ERICH2: variants seen among roughly 807,000 people sequenced by gnomAD.
The protein encoded by ERICH2 is glutamate rich 2.
In ERICH2, 17 loss-of-function variants were observed where a neutral mutation model predicts 17.4. That is an observed-to-expected ratio of 0.98 (90% CI 0.67 to 1.47). The LOEUF (loss-of-function observed/expected upper bound fraction) is 1.47, where lower values mean the gene tolerates loss of function less well. Among genes scored for constraint, ERICH2 ranks in the 40% most tolerant of loss-of-function variants. The pLI is 0.00. For missense variants in ERICH2, 186 were observed against 183.2 expected (o/e 1.01, Z -0.09); for synonymous variants, 51 against 61.1 (o/e 0.83, Z 0.77).
chr2:170,773,659 C>G, the ERICH2 span, among the ~76,000 whole-genome samples: 1 of 152,184 alleles, frequency 6.6e-6, no homozygotes, highest in Non-Finnish European at 1.5e-5. Context: ...ATCTTTGTGT[C>G]CCCAGAGTTT....
intron 1 of ERICH2, chr2:170,783,954 A>C: frequency 6.5e-7 from 1 of 1,536,726 alleles, no homozygotes. Flanking sequence ...GTTTAGAGTC[A>C]GGAGTTTGTT....
At chr2:170,783,937 AT>A in intron 1 of ERICH2, 1 of 1,548,868 alleles carries the variant, frequency 6.5e-7, no homozygotes, top group Non-Finnish European at 8.7e-7. Flanking sequence ...TCAGGGTAGC[AT>A]TTTGGGTTTA....
upstream of ERICH2, among the ~76,000 whole-genome samples, chr2:170,781,261 A>G (rs1701020971): frequency 6.6e-6 from 1 of 152,204 alleles, no homozygotes; most frequent in Non-Finnish European, 1.5e-5. Flanking sequence ...ATCTTTTTAT[A>G]TATTTCCATG....
the ERICH2 span, among the ~76,000 whole-genome samples, chr2:170,776,382 A>T: frequency 2.6e-5 from 4 of 151,992 alleles, no homozygotes; most frequent in African/African-American, 9.7e-5. Flanking sequence ...TTGTTGTTGT[A>T]GTTGTTGTTT....
At chr2:170,786,667 A>G (rs953680) in intron 2 of ERICH2, among the ~76,000 whole-genome samples, 52,035 of 151,980 alleles carry the variant, frequency 0.34, 9,280 homozygotes, top group East Asian at 0.57. Context: ...GGTCACTGAT[A>G]TACCACTTAA....
chr2:170,793,007 T>C lies in ERICH2; in HGVS notation c.274+87T>C, dbSNP rs148679519. 2.5e-4 allele frequency: 191 copies of C among 750,730 alleles called. No individual in the cohort carries two copies. The African/African-American group carries it at 2.9e-3, about 12-fold the overall frequency. 46.5% of individuals were successfully genotyped at this position (750,730 alleles called of 1,614,324 possible). A position where few individuals can be genotyped will look rare whatever the true frequency, so the allele number is the denominator to read the frequency against. On this transcript the variant is annotated intron_variant, in intron 3 of 4. Transcript: ENST00000409885. ...AATATATAAAATGGCTTGATTATCATAGGTCTAGTGAATTCCCTGATAGTG... is the reference window on the plus strand; with the variant it reads ...AATATATAAAATGGCTTGATTATCACAGGTCTAGTGAATTCCCTGATAGTG...
chr2:170,794,616 A>G (rs557894268), intron 3 of ERICH2, among the ~76,000 whole-genome samples: 2 of 152,160 alleles, frequency 1.3e-5, no homozygotes, highest in Non-Finnish European at 2.9e-5. Context: ...TATTTTATGC[A>G]TCTTTTTCTT....
intron 3 of ERICH2, among the ~76,000 whole-genome samples, chr2:170,795,703 C>T (rs1462797451): frequency 6.6e-6 from 1 of 152,148 alleles, no homozygotes; most frequent in Non-Finnish European, 1.5e-5. Flanking sequence ...TTACGTTTCT[C>T]CATTCATCTC....
chr2:170,792,271 A>G (rs1701307722), intron 2 of ERICH2, among the ~76,000 whole-genome samples: 1 of 152,228 alleles, frequency 6.6e-6, no homozygotes, highest in African/African-American at 2.4e-5. Context: ...TGAAGATGTT[A>G]AAAATAAATG....
chr2:170,781,590 G>A (rs11901507), upstream of ERICH2, among the ~76,000 whole-genome samples: 601 of 150,548 alleles, frequency 4.0e-3, 5 homozygotes, highest in African/African-American at 0.013. Context: ...CCGAGATCGC[G>A]TCACAGCACT....
At chr2:170,795,696 C>T (rs888070078) in intron 3 of ERICH2, among the ~76,000 whole-genome samples, 1 of 152,132 alleles carries the variant, frequency 6.6e-6, no homozygotes, top group African/African-American at 2.4e-5. Context: ...AAGTACTTTA[C>T]GTTTCTCCAT....
At chr2:170,777,488 G>A in the ERICH2 span, 1 of 1,117,084 alleles carries the variant, frequency 9.0e-7, no homozygotes, top group Non-Finnish European at 1.1e-6. Context: ...ATAGTAAGAA[G>A]ACTATTGGAA....
chr2:170,796,225 ATACT>A (rs958815622), intron 3 of ERICH2, among the ~76,000 whole-genome samples: 108 of 152,204 alleles, frequency 7.1e-4, no homozygotes, highest in African/African-American at 2.4e-3. Context: ...GATACATAAA[ATACT>A]TACAGGATCC....
chr2:170,775,343 G>A, the ERICH2 span, among the ~76,000 whole-genome samples: 1 of 151,984 alleles, frequency 6.6e-6, no homozygotes. Context: ...GAGGTGGGAG[G>A]ATTGCTTGAG....
intron 4 of ERICH2, 66 bp from the exon 10 acceptor site, chr2:170,798,704 G>A: frequency 6.5e-7 from 1 of 1,535,202 alleles, no homozygotes; most frequent in Non-Finnish European, 8.8e-7. Flanking sequence ...GAGGGGCAAG[G>A]AGAATTATTT....
At chr2:170,775,870 A>T in the ERICH2 span, among the ~76,000 whole-genome samples, 7 of 14,600 alleles carry the variant, frequency 4.8e-4, no homozygotes, top group Non-Finnish European at 0.017. Context: ...TAAAAAAAAT[A>T]AAAACAATAC....
Position 170,797,810 on chromosome 2 carries a change from A to AG in ERICH2, c.275-231_275-230insG, listed in dbSNP as rs1559257948. On this transcript the variant is annotated intron_variant, in intron 3 of 4. Coordinates refer to ENST00000409885, the Ensembl canonical transcript of ERICH2. ...CTGTCTCAGGGAAAAAAAAAAAAAA[A>AG]AAAAGAAAGAAAGAAAATATAGTGA... 3.7e-3 allele frequency among the ~76,000 whole-genome samples: 552 copies of AG among 151,110 alleles called. 2 individuals are homozygous for AG. Among genetic ancestry groups the AG allele is most frequent in the African/African-American group, 0.012 (507 of 40,944 alleles).
chr2:170,776,347 G>A, the ERICH2 span, among the ~76,000 whole-genome samples: 34 of 152,082 alleles, frequency 2.2e-4, no homozygotes, highest in African/African-American at 8.0e-4. Context: ...TTCTTGTTCT[G>A]GTCACATGTA....
the ERICH2 span, among the ~76,000 whole-genome samples, chr2:170,774,100 CA>C: frequency 1.3e-5 from 2 of 152,174 alleles, no homozygotes; most frequent in African/African-American, 4.8e-5. Context: ...CCCATTGCCA[CA>C]AGGACTGTTA....
Sources: allele counts gnomAD v4.1 joint callset (sites outside exome capture counted in the v4.1 genomes callset), GRCh38; gene constraint gnomAD v4.1.1; transcripts MANE v1.5; gene names NCBI Gene and HGNC (gene_info 2026-07-23, HGNC 2026-07-21).